The following RAPGEF4 variants were observed in gnomAD, a reference collection of about 807,000 sequenced individuals.
RAPGEF4 encodes RAP guanine-nucleotide-exchange factor (GEF) 4.
In RAPGEF4, 66 loss-of-function variants were observed where a neutral mutation model predicts 147.9. The ratio of observed to expected loss-of-function variants is 0.45; its 90% CI spans 0.37 to 0.55. RAPGEF4 has a LOEUF of 0.55. Among genes scored for constraint, RAPGEF4 ranks in the 20% least tolerant of loss-of-function variants. The pLI, the probability that RAPGEF4 is intolerant of heterozygous loss-of-function variation, is 0.00. For synonymous variants in RAPGEF4, 419 were observed against 442.7 expected (o/e 0.95, Z 0.67); for missense variants, 1,071 against 1,257.3 (o/e 0.85, Z 2.24).
At chr2:172,759,836 A>C (rs1230626262) in intron 1 of RAPGEF4, among the ~76,000 whole-genome samples, 1 of 152,206 alleles carries the variant, frequency 6.6e-6, no homozygotes, top group Non-Finnish European at 1.5e-5. Flanking sequence ...AATTCTTCCT[A>C]TTCCTCCTAC....
intron 5 of RAPGEF4, among the ~76,000 whole-genome samples, chr2:172,920,390 A>G (rs1192008291): frequency 1.3e-5 from 2 of 152,106 alleles, no homozygotes; most frequent in South Asian, 2.1e-4. Context: ...CACCCAATCC[A>G]TATTCAAATG....
At chr2:173,034,341 A>T (rs1374660662) in intron 27 of RAPGEF4, among the ~76,000 whole-genome samples, 1 of 152,118 alleles carries the variant, frequency 6.6e-6, no homozygotes. Context: ...GCCGGGAGTG[A>T]TGGGCAGGTT....
chr2:173,036,315 C>A, intron 28 of RAPGEF4, 103 bp downstream of exon 28: 1 of 942,068 alleles, frequency 1.1e-6, no homozygotes, highest in Non-Finnish European at 1.7e-6. Flanking sequence ...AATGATCGAT[C>A]CCATCCTTCT....
chr2:172,795,251 G>A (rs777610521), intron 2 of RAPGEF4, 84 bp downstream of exon 2: 1 of 1,335,728 alleles, frequency 7.5e-7, no homozygotes, highest in Non-Finnish European at 1.0e-6. Flanking sequence ...ATAGCAAATG[G>A]AGTATTTATG....
intron 6 of RAPGEF4, among the ~76,000 whole-genome samples, chr2:172,948,529 A>G (rs1232160855): frequency 6.6e-6 from 1 of 152,186 alleles, no homozygotes; most frequent in Non-Finnish European, 1.5e-5. Flanking sequence ...TCAGGATCCA[A>G]GACAGTCTGT....
chr2:172,919,852 C>T (rs1307396948), intron 5 of RAPGEF4, among the ~76,000 whole-genome samples: 4 of 152,092 alleles, frequency 2.6e-5, no homozygotes, highest in Non-Finnish European at 5.9e-5. Flanking sequence ...CTCCAAACCT[C>T]AGCCATTTTG....
chr2:172,978,686 CT>C (rs1227433872), intron 10 of RAPGEF4, among the ~76,000 whole-genome samples: 1 of 152,234 alleles, frequency 6.6e-6, no homozygotes, highest in Non-Finnish European at 1.5e-5. Context: ...TGCTGTCTTA[CT>C]CCTGTGATGG....
At chr2:172,811,253 G>T (rs1008557576) in intron 3 of RAPGEF4, among the ~76,000 whole-genome samples, 2 of 152,248 alleles carry the variant, frequency 1.3e-5, no homozygotes, top group African/African-American at 4.8e-5. Flanking sequence ...AGCTACAGAT[G>T]ACATCAGGGG....
At chr2:172,882,813 A>G (rs544051976) in intron 4 of RAPGEF4, among the ~76,000 whole-genome samples, 131 of 152,190 alleles carry the variant, frequency 8.6e-4, no homozygotes, top group African/African-American at 3.0e-3. Context: ...CATTATCATC[A>G]TCATCATCAT....
intron 6 of RAPGEF4, among the ~76,000 whole-genome samples, chr2:172,937,039 A>AC (rs1686655498): frequency 6.9e-6 from 1 of 144,758 alleles, no homozygotes; most frequent in East Asian, 2.0e-4. Context: ...TCTCTCTGCA[A>AC]AAAAAAAAAA....
chr2:172,864,344 T>G (rs1479182789), intron 4 of RAPGEF4, among the ~76,000 whole-genome samples: 3 of 152,132 alleles, frequency 2.0e-5, no homozygotes, highest in African/African-American at 7.2e-5. Flanking sequence ...CACAAAAAGG[T>G]GTGCATTTTG....
At chr2:172,816,219 G>A (rs945960044) in intron 4 of RAPGEF4, among the ~76,000 whole-genome samples, 1 of 151,620 alleles carries the variant, frequency 6.6e-6, no homozygotes, top group East Asian at 1.9e-4. Context: ...CTCCAATAAC[G>A]AGCCATGTCT....
chr2:172,913,669 A>G (rs1202715994), intron 4 of RAPGEF4, among the ~76,000 whole-genome samples: 3 of 151,712 alleles, frequency 2.0e-5, no homozygotes, highest in Non-Finnish European at 4.4e-5. Context: ...TTTTGTTTTG[A>G]TTGTTTGTAT....
At chr2:172,856,163 T>C (rs937888127) in intron 4 of RAPGEF4, among the ~76,000 whole-genome samples, 3 of 152,204 alleles carry the variant, frequency 2.0e-5, no homozygotes, top group African/African-American at 7.2e-5. Flanking sequence ...TTTTCTCTGT[T>C]CTTCAGATTG....
intron 4 of RAPGEF4, among the ~76,000 whole-genome samples, chr2:172,864,844 G>T (rs2676507): frequency 6.6e-6 from 1 of 152,228 alleles, no homozygotes; most frequent in South Asian, 2.1e-4. Flanking sequence ...GATAGAGGTT[G>T]CAGTGAGCCT....
intron 27 of RAPGEF4, among the ~76,000 whole-genome samples, chr2:173,035,247 A>C (rs187190900): frequency 2.6e-5 from 4 of 151,746 alleles, no homozygotes; most frequent in Admixed American, 2.6e-4. Flanking sequence ...GGTGGCTCAC[A>C]CCTATAATCC....
At chr2:173,040,757 A>G (rs140159589) in intron 29 of RAPGEF4, among the ~76,000 whole-genome samples, 3 of 152,360 alleles carry the variant, frequency 2.0e-5, no homozygotes, top group Non-Finnish European at 4.4e-5. Context: ...GGTATGAACA[A>G]AAGAGAATTC....
At chr2:172,917,501 G>A (rs763439666) in intron 4 of RAPGEF4, 14 of 629,242 alleles carry the variant, frequency 2.2e-5, no homozygotes, top group Middle Eastern at 2.8e-4. Flanking sequence ...TTGTGGGGTT[G>A]GGGAGGGGTG....
chr2:172,908,698 CA>C (rs1365848199), intron 4 of RAPGEF4, among the ~76,000 whole-genome samples: 1 of 152,040 alleles, frequency 6.6e-6, no homozygotes, highest in Non-Finnish European at 1.5e-5. Flanking sequence ...ATTTATGAAA[CA>C]AAAAATAAAG....
Sources: allele counts gnomAD v4.1 joint callset (sites outside exome capture counted in the v4.1 genomes callset), GRCh38; gene constraint gnomAD v4.1.1; transcripts MANE v1.5; gene names NCBI Gene and HGNC (gene_info 2026-07-23, HGNC 2026-07-21).